ADCY9: variants seen among roughly 807,000 people sequenced by gnomAD.
The protein encoded by ADCY9 is adenylate cyclase 9, also known as adenylate cyclase type 9.
ADCY9 carries 50 observed loss-of-function variants against 101.5 expected under a neutral mutation model. The observed-to-expected ratio is 0.49, with a 90% CI of 0.39 to 0.62. The LOEUF (loss-of-function observed/expected upper bound fraction) is 0.62. Among genes scored for constraint, ADCY9 ranks in the 20% least tolerant of loss-of-function variants. The pLI, the probability that ADCY9 is intolerant of heterozygous loss-of-function variation, is 0.00. For synonymous variants in ADCY9, 905 were observed against 769.3 expected (o/e 1.18, Z -2.92); for missense variants, 1,662 against 1,800.4 (o/e 0.92, Z 1.39).
chr16:4,006,729 A>G lies in ADCY9; in HGVS notation c.1884+639T>C, dbSNP rs929269563. 3.3e-5 allele frequency among the ~76,000 whole-genome samples: 5 copies of G among 152,248 alleles called. No homozygotes were observed. The East Asian group carries it at 7.7e-4, about 23-fold the overall frequency. ...CTAAATCAAATGTGAAAGCAAAGGA[A>G]CAGCTCATAAACTGAAATGATTTCA... On this transcript the variant is annotated intron_variant, in intron 3 of 10. Coordinates refer to ENST00000294016, the MANE Select transcript of ADCY9 (RefSeq NM_001116.4).
At chr16:4,036,475 T>TC (rs1287035957) in intron 2 of ADCY9, among the ~76,000 whole-genome samples, 5 of 144,896 alleles carry the variant, frequency 3.5e-5, no homozygotes, top group Non-Finnish European at 7.6e-5. Context: ...TTTTTTTTTT[T>TC]TTTTTTTGAG....
At position 3,983,367 on chromosome 16, in the gene ADCY9, G is replaced by A; in HGVS notation, c.2384C>T (p.Thr795Ile). 6.2e-7 allele frequency: 1 copy of A among 1,605,784 alleles called. No homozygotes were observed. The highest frequency in any genetic ancestry group is 8.5e-7 in the Non-Finnish European group (1 of 1,175,856). Reference protein sequence around the residue: ...FSSLLDVFLSTTVFLTLSTTC... With the variant: ...FSSLLDVFLSITVFLTLSTTC... Reference sequence around the variant, plus strand: ...GGTGGACAGCGTCAGAAACACTGTGGTCGACAGAAACACATCCAGGAGGGA... The same window carrying A: ...GGTGGACAGCGTCAGAAACACTGTGATCGACAGAAACACATCCAGGAGGGA... The change falls in exon 7 of 11, where the codon ACC becomes ATC. Residue 795 changes from threonine to isoleucine, a missense_variant. Around this residue, in one of 5 missense-constraint regions of ADCY9, gnomAD observed 624 missense variants for 639.1 expected, o/e 0.98. Transcript: ENST00000294016.
chr16:4,023,425 A>T (rs1422743552), intron 2 of ADCY9, among the ~76,000 whole-genome samples: 1 of 152,208 alleles, frequency 6.6e-6, no homozygotes, highest in Non-Finnish European at 1.5e-5. Flanking sequence ...TGGAGATATC[A>T]CAGTGAGATG....
intron 2 of ADCY9, among the ~76,000 whole-genome samples, chr16:4,112,605 T>C (rs1241763021): frequency 1.3e-5 from 2 of 152,012 alleles, no homozygotes; most frequent in Non-Finnish European, 2.9e-5. Context: ...CCATCTCTGA[T>C]TGGAACTATT....
intron 2 of ADCY9, among the ~76,000 whole-genome samples, chr16:4,101,307 G>T (rs936817010): frequency 2.1e-5 from 3 of 141,900 alleles, no homozygotes; most frequent in Non-Finnish European, 4.5e-5. Flanking sequence ...TTGAGACAGA[G>T]TCTTGCTCTG....
intron 2 of ADCY9, among the ~76,000 whole-genome samples, chr16:4,018,540 C>T (rs1255263332): frequency 2.6e-5 from 4 of 152,134 alleles, no homozygotes; most frequent in East Asian, 1.9e-4. Flanking sequence ...ACTAACCTTC[C>T]GCGGGAGCAG....
intron 2 of ADCY9, among the ~76,000 whole-genome samples, chr16:4,021,449 C>G (rs2056476080): frequency 6.6e-6 from 1 of 152,240 alleles, no homozygotes. Flanking sequence ...TCCTCCAGGT[C>G]CCTACTGCCT....
chr16:4,114,795 A>C lies in ADCY9; in HGVS notation c.648T>G (p.Thr216=), dbSNP rs1393405080. ...NLTATARPTD[T]CLSQVGSFSM... is the part of the protein sequence containing the mutation. ...AGAAGCTCCCCACTTGAGATAAGCA[A>C]GTATCTGTGGGCCGGGCTGTGGCCG... Residue 216 remains threonine (T), a synonymous_variant, in exon 2 of 11, where the codon ACT becomes ACG. Transcript: ENST00000294016. This position sits in a 1 kb window ranked among gnomAD's most constrained non-coding sequence, Gnocchi z 4.3. 1.9e-6 allele frequency: 3 copies of C among 1,613,208 alleles called. No individual in the cohort carries two copies. The highest frequency in any genetic ancestry group is 2.5e-6 in the Non-Finnish European group (3 of 1,180,048).
chr16:4,087,349 A>C (rs976923396), intron 2 of ADCY9, among the ~76,000 whole-genome samples: 7 of 151,852 alleles, frequency 4.6e-5, no homozygotes, highest in Non-Finnish European at 7.4e-5. Context: ...AGCCTGGCCA[A>C]CACAGCAAAA....
chr16:4,049,859 C>T (rs531307309), intron 2 of ADCY9, among the ~76,000 whole-genome samples: 187 of 152,300 alleles, frequency 1.2e-3, no homozygotes, highest in Middle Eastern at 3.4e-3. Flanking sequence ...AAGACCGACC[C>T]TGTTTCTACA....
intron 2 of ADCY9, among the ~76,000 whole-genome samples, chr16:4,096,408 T>C (rs2057004435): frequency 6.6e-6 from 1 of 152,204 alleles, no homozygotes; most frequent in Non-Finnish European, 1.5e-5. Flanking sequence ...CAAAAGTGCT[T>C]GTTAGTGGAG....
intron 2 of ADCY9, among the ~76,000 whole-genome samples, chr16:4,083,554 G>T (rs746277196): frequency 6.6e-6 from 1 of 152,210 alleles, no homozygotes; most frequent in Non-Finnish European, 1.5e-5. Flanking sequence ...AAACGTGTCT[G>T]CCAACATTCA....
At chr16:3,977,687 T>A in intron 8 of ADCY9, 57 bp from the exon 9 acceptor site, 1 of 1,565,798 alleles carries the variant, frequency 6.4e-7, no homozygotes, top group Non-Finnish European at 8.7e-7. Context: ...ACCCCTGCTA[T>A]ACCCGGCCGC....
chr16:3,974,529 T>C, intron 10 of ADCY9, 140 bp downstream of exon 10: 1 of 632,654 alleles, frequency 1.6e-6, no homozygotes, highest in South Asian at 2.1e-5. Context: ...AACGAGGAGA[T>C]ATTTTCCACT....
rs780994226 is a variant in ADCY9, at chr16:3,966,984, G to C, written c.2871-18C>G. ...TCTCGGAACTGGAGAGCAAAGACAC[G>C]GGAAAGGGAGAGGTTACTGCTCGGC... On this transcript the variant is annotated intron_variant, in intron 10 of 10. Transcript: ENST00000294016. 1.3e-6 allele frequency: 2 copies of C among 1,594,252 alleles called. No individual in the cohort carries two copies. Among genetic ancestry groups the C allele is most frequent in the African/African-American group, 2.7e-5 (2 of 74,522 alleles).
At chr16:4,043,109 A>T (rs147299016) in intron 2 of ADCY9, among the ~76,000 whole-genome samples, 7,630 of 151,978 alleles carry the variant, frequency 0.05, 636 homozygotes, top group African/African-American at 0.17. Flanking sequence ...CGGGCGACTG[A>T]AGTCCCAGCT....
At chr16:3,987,892 C>T (rs1371860734) in intron 6 of ADCY9, among the ~76,000 whole-genome samples, 2 of 152,140 alleles carry the variant, frequency 1.3e-5, no homozygotes, top group South Asian at 2.1e-4. Context: ...GTCTGGAAGC[C>T]GCCAGGATTC....
At position 4,062,503 on chromosome 16, in the gene ADCY9, G is replaced by A. The variant is rs1436374145; in HGVS notation, c.1693+51247C>T. Among the ~76,000 whole-genome samples the A allele has an allele frequency of 2.0e-5, 3 of 152,292 alleles. No individual in the cohort carries two copies. In the East Asian group the frequency reaches 5.8e-4, roughly 29 times the overall value. On this transcript the variant is annotated intron_variant, in intron 2 of 10. Coordinates refer to ENST00000294016, the MANE Select transcript of ADCY9 (RefSeq NM_001116.4). ...GTGCTGTCTGCAAGAGATGCAGATGGAGAAAAATGTACTATGCAAACAAAA... is the reference window on the plus strand; with the variant it reads ...GTGCTGTCTGCAAGAGATGCAGATGAAGAAAAATGTACTATGCAAACAAAA...
Position 3,954,901 on chromosome 16 carries a change from G to A in ADCY9, c.568-1385C>T, listed in dbSNP as rs151326855. On this transcript the variant is annotated intron_variant, in intron 5 of 5. Coordinates refer to the ADCY9 transcript ENST00000576936. ...CCGAGGTAGAGGCTGAGGGGGACAC[G>A]CCTACATGTCATGCCACAAACTTAG... Among the ~76,000 whole-genome samples, 47 of 152,220 alleles carry A rather than the reference G, an allele frequency of 3.1e-4. 1 individual carries two copies. Among genetic ancestry groups the A allele is most frequent in the African/African-American group, 1.1e-3 (44 of 41,534 alleles).
Sources: gnomAD v4.1 joint callset for allele counts (sites outside exome capture counted in the v4.1 genomes callset) on GRCh38, gnomAD v4.1.1 for gene constraint, gnomAD v4.1.1 regional missense constraint, Gnocchi (gnomAD v3.1) non-coding constraint, MANE v1.5 for transcripts, NCBI Gene and HGNC (gene_info 2026-07-23, HGNC 2026-07-21) for gene names.